Variants in CADM2 observed in about 807,000 individuals in gnomAD.
CADM2 encodes cell adhesion molecule 2.
In CADM2, 12 loss-of-function variants were observed where a neutral mutation model predicts 49.8. The ratio of observed to expected loss-of-function variants is 0.24; its 90% CI spans 0.15 to 0.39. CADM2 has a LOEUF of 0.39. CADM2 is among the 10% of genes least tolerant of loss of function. The pLI is 1.00. For missense variants in CADM2, 378 were observed against 492.3 expected, an observed-to-expected ratio of 0.77 and a Z score of 2.20; for synonymous variants, 214 against 175.4, an observed-to-expected ratio of 1.22 and a Z score of -1.74.
At chr3:85,229,906 C>T (rs1177541396) in intron 1 of CADM2, among the ~76,000 whole-genome samples, 1 of 152,164 alleles carries the variant, frequency 6.6e-6, no homozygotes, top group African/African-American at 2.4e-5. Flanking sequence ...TAACCTGTGT[C>T]ATTACACTGA....
chr3:85,454,929 C>G (rs1385884333), intron 1 of CADM2, among the ~76,000 whole-genome samples: 3 of 152,122 alleles, frequency 2.0e-5, no homozygotes, highest in Non-Finnish European at 4.4e-5. Context: ...TTCATTGATT[C>G]AATGCTGCCT....
intron 1 of CADM2, among the ~76,000 whole-genome samples, chr3:85,011,195 G>A (rs2033978023): frequency 6.6e-6 from 1 of 151,892 alleles, no homozygotes; most frequent in Non-Finnish European, 1.5e-5. Context: ...GTTATTGTTG[G>A]CACTTTTATT....
At chr3:85,826,638 A>G (rs949001730) in intron 3 of CADM2, among the ~76,000 whole-genome samples, 2 of 151,912 alleles carry the variant, frequency 1.3e-5, no homozygotes, top group Non-Finnish European at 2.9e-5. Context: ...TAAGGGTTGG[A>G]GAAGAATAAA....
At chr3:85,293,308 C>G (rs1251578338) in intron 1 of CADM2, among the ~76,000 whole-genome samples, 1 of 151,502 alleles carries the variant, frequency 6.6e-6, no homozygotes, top group Non-Finnish European at 1.5e-5. Flanking sequence ...AGCTTACCCA[C>G]CAAAAAGAGT....
intron 1 of CADM2, among the ~76,000 whole-genome samples, chr3:85,487,139 A>C (rs2039449421): frequency 6.6e-6 from 1 of 152,164 alleles, no homozygotes; most frequent in Non-Finnish European, 1.5e-5. Flanking sequence ...GTAGCCAATA[A>C]TATCACAAAG....
intron 2 of CADM2, among the ~76,000 whole-genome samples, chr3:85,735,461 G>C (rs2068096434): frequency 6.6e-6 from 1 of 152,128 alleles, no homozygotes; most frequent in Non-Finnish European, 1.5e-5. Context: ...TGGAGACACA[G>C]GTCATGTAAG....
In CADM2 at chr3:85,218,265, TA is replaced by T. The variant is rs545436877; in HGVS notation, c.61+258601del. Among the ~76,000 whole-genome samples, 21 of 152,236 alleles carry T rather than the reference TA, an allele frequency of 1.4e-4. No homozygotes were observed. In the South Asian group the frequency reaches 4.4e-3, roughly 32 times the overall value. ...AGCCATATTTACCATTAGAACAATGTAAAAGTAATTTAGAAATAAAAAAATC... is the reference window on the plus strand; with the variant it reads ...AGCCATATTTACCATTAGAACAATGTAAAGTAATTTAGAAATAAAAAAATC... On this transcript the variant is annotated intron_variant, in intron 1 of 9. Coordinates refer to ENST00000383699, the MANE Select transcript of CADM2 (RefSeq NM_001167675.2).
At chr3:85,711,139 G>A (rs1438705041) in intron 1 of CADM2, among the ~76,000 whole-genome samples, 1 of 151,980 alleles carries the variant, frequency 6.6e-6, no homozygotes, top group African/African-American at 2.4e-5. Flanking sequence ...ATGGAAAATA[G>A]CATCATGATG....
chr3:85,504,084 C>T (rs2040220762), intron 1 of CADM2, among the ~76,000 whole-genome samples: 1 of 152,156 alleles, frequency 6.6e-6, no homozygotes, highest in Admixed American at 6.5e-5. Flanking sequence ...GCCGCTGACC[C>T]TCGCGGTGAG....
rs912130460 is a variant in CADM2 at position 84,959,322 on chromosome 3, G to A, written c.-286G>A. The A allele has an allele frequency of 3.8e-6, 2 of 533,098 alleles. No homozygotes were observed. Among genetic ancestry groups the A allele is most frequent in the Non-Finnish European group, 6.7e-6 (2 of 298,182 alleles). The allele number at this position is 533,098 out of a possible 1,614,324, so 33.0% of individuals were successfully genotyped here. A position where few individuals can be genotyped will look rare whatever the true frequency, so the allele number is the denominator to read the frequency against. The stretch of plus-strand genomic sequence containing the variant: ...ACTTGCTGTGCGCGCCGAGAGGAAG[G>A]CAAGCTCCAAACCCCTGCCTGGAAG... On this transcript the variant is annotated 5_prime_UTR_variant, in exon 1 of 10. Coordinates refer to ENST00000383699, the MANE Select transcript of CADM2 (RefSeq NM_001167675.2).
intron 8 of CADM2, chr3:85,993,123 G>A (rs989562005): frequency 1.3e-5 from 2 of 152,156 alleles, no homozygotes; most frequent in Non-Finnish European, 2.9e-5. Flanking sequence ...AGGATTGCTT[G>A]AGGCCAGGAG....
intron 1 of CADM2, among the ~76,000 whole-genome samples, chr3:85,532,359 C>G (rs1044012381): frequency 3.0e-4 from 45 of 152,162 alleles, no homozygotes; most frequent in African/African-American, 1.0e-3. Flanking sequence ...ACATGTATGA[C>G]ATTTCTGTCC....
intron 3 of CADM2, among the ~76,000 whole-genome samples, chr3:85,822,342 G>T (rs2073632613): frequency 1.3e-5 from 2 of 152,112 alleles, no homozygotes; most frequent in Non-Finnish European, 2.9e-5. Flanking sequence ...CCAGCACTTT[G>T]GGAGGCCGAG....
At chr3:85,063,903 G>A (rs2036426943) in intron 1 of CADM2, among the ~76,000 whole-genome samples, 1 of 152,032 alleles carries the variant, frequency 6.6e-6, no homozygotes, top group East Asian at 1.9e-4. Flanking sequence ...CCTCCTGGGT[G>A]TTAGAATTAA....
At chr3:85,449,114 A>G (rs535450520) in intron 1 of CADM2, among the ~76,000 whole-genome samples, 111 of 147,560 alleles carry the variant, frequency 7.5e-4, no homozygotes, top group African/African-American at 2.6e-3. Flanking sequence ...ATCTTTGTAT[A>G]TTCTCCTGGA....
intron 2 of CADM2, among the ~76,000 whole-genome samples, chr3:85,743,139 C>T (rs2068465845): frequency 6.6e-6 from 1 of 152,106 alleles, no homozygotes; most frequent in Non-Finnish European, 1.5e-5. Flanking sequence ...AAGGTTCTAT[C>T]TATTGCTGAT....
chr3:85,024,484 C>T (rs1010900102), intron 1 of CADM2, among the ~76,000 whole-genome samples: 13 of 151,920 alleles, frequency 8.6e-5, no homozygotes, highest in African/African-American at 2.4e-4. Flanking sequence ...AAGTTCTGCT[C>T]GAGCATAAAT....
At chr3:85,568,303 T>G (rs1483289603) in intron 1 of CADM2, among the ~76,000 whole-genome samples, 2 of 152,098 alleles carry the variant, frequency 1.3e-5, no homozygotes, top group Admixed American at 1.3e-4. Context: ...CAGTTTAGAG[T>G]GTATGAAGCA....
At chr3:85,593,706 G>T (rs1038821844) in intron 1 of CADM2, among the ~76,000 whole-genome samples, 1 of 151,998 alleles carries the variant, frequency 6.6e-6, no homozygotes, top group African/African-American at 2.4e-5. Context: ...TTGAGCATTT[G>T]TCAAGCTTTT....
Sources: gnomAD v4.1 joint callset for allele counts (sites outside exome capture counted in the v4.1 genomes callset) on GRCh38, gnomAD v4.1.1 for gene constraint, MANE v1.5 for transcripts, NCBI Gene and HGNC (gene_info 2026-07-23, HGNC 2026-07-21) for gene names.